TIGAR: variants seen among roughly 807,000 people sequenced by gnomAD.
TIGAR encodes the protein TP53 induced glycolysis regulatory phosphatase.
In TIGAR, 7 loss-of-function variants were observed where a neutral mutation model predicts 17.9. That is an observed-to-expected ratio of 0.39 (90% CI 0.22 to 0.73). The LOEUF (loss-of-function observed/expected upper bound fraction) is 0.73, where lower values mean the gene tolerates loss of function less well. TIGAR is among the 30% of genes least tolerant of loss of function. The pLI is 0.42. For synonymous variants in TIGAR, 94 were observed against 108.6 expected (o/e 0.87, Z 0.84); for missense variants, 258 against 327.4 (o/e 0.79, Z 1.64).
chr12:4,338,181 C>A (rs1355491844), intron 3 of TIGAR, among the ~76,000 whole-genome samples: 1 of 152,070 alleles, frequency 6.6e-6, no homozygotes, highest in Non-Finnish European at 1.5e-5. Flanking sequence ...CTAAAAACTC[C>A]ATGGAAGGAG....
At chr12:4,351,775 A>C (rs2120694225) in intron 5 of TIGAR, among the ~76,000 whole-genome samples, 1 of 152,254 alleles carries the variant, frequency 6.6e-6, no homozygotes, top group Middle Eastern at 3.4e-3. Context: ...ATTTCTTTGG[A>C]GTGTTCTGCT....
At chr12:4,333,696 C>T (rs943288832) in intron 2 of TIGAR, among the ~76,000 whole-genome samples, 2 of 152,086 alleles carry the variant, frequency 1.3e-5, no homozygotes, top group African/African-American at 2.4e-5. Context: ...CTCGAACTAA[C>T]CTGGTGATCC....
intron 1 of TIGAR, among the ~76,000 whole-genome samples, chr12:4,323,025 G>A (rs4553431): frequency 0.31 from 47,419 of 151,074 alleles, 7,661 homozygotes; most frequent in Admixed American, 0.38. Flanking sequence ...TAGCACGTTG[G>A]GGGGCGGAAG....
rs1192832105 is a variant in TIGAR at position 4,338,977 on chromosome 12, CAA to C, written c.192+1837_192+1838del. 8.1e-3 allele frequency among the ~76,000 whole-genome samples: 816 copies of C among 100,550 alleles called. 1 individual carries two copies. The highest frequency in any genetic ancestry group is 0.011 in the Non-Finnish European group (608 of 53,122). 66.0% of individuals were successfully genotyped at this position (100,550 alleles called of 152,430 possible). On this transcript the variant is annotated intron_variant, in intron 3 of 5. Transcript: ENST00000179259. ...GGCAACAAAGCAAAACTTTGTCTCA[CAA>C]AAAAAAAAAAAAAAAAAAAGACAGA...
chr12:4,341,928 A>G (rs900806055), intron 3 of TIGAR, among the ~76,000 whole-genome samples: 1 of 152,242 alleles, frequency 6.6e-6, no homozygotes, highest in Non-Finnish European at 1.5e-5. Flanking sequence ...TCAGATGATC[A>G]GACTTCTCTG....
chr12:4,359,105 C>G lies in TIGAR; in HGVS notation c.*6414C>G, dbSNP rs1213738316. On this transcript the variant is annotated 3_prime_UTR_variant, in exon 6 of 6. Coordinates refer to ENST00000179259, the MANE Select transcript of TIGAR (RefSeq NM_020375.3). ...AGCCTTTATTGTTTATTTTCTGACT[C>G]TGTTTTTTTTTTCTTTAGCCAACTC... Among the ~76,000 whole-genome samples the G allele has an allele frequency of 7.6e-4, 10 of 13,120 alleles. No individual in the cohort carries two copies. The highest frequency in any genetic ancestry group is 0.014 in the South Asian group (2 of 146). The allele number at this position is 13,120 out of a possible 152,430, so 8.6% of individuals were successfully genotyped here. A position where few individuals can be genotyped will look rare whatever the true frequency, so the allele number is the denominator to read the frequency against.
chr12:4,351,356 C>T lies in TIGAR; in HGVS notation c.360C>T (p.Pro120=), dbSNP rs770821333. 8.4e-5 allele frequency: 135 copies of T among 1,613,908 alleles called. No homozygotes were observed. Among genetic ancestry groups the T allele is most frequent in the Non-Finnish European group, 1.0e-4 (119 of 1,179,990 alleles). The part of the protein sequence containing the change: ...AREECPVFTP[P]GGETLDQVKM... ...AAGAGTGCCCTGTGTTTACACCGCC[C>T]GGAGGAGAGACGCTGGACCAGGTAT... Residue 120 remains proline, a synonymous_variant, in exon 5 of 6, where the codon CCC becomes CCT. Coordinates refer to ENST00000179259, the MANE Select transcript of TIGAR (RefSeq NM_020375.3).
intron 2 of TIGAR, 99 bp from the exon 3 acceptor site, chr12:4,336,940 A>C: frequency 7.6e-7 from 1 of 1,314,838 alleles, no homozygotes; most frequent in East Asian, 2.6e-5. Context: ...ATCTTTCATT[A>C]AAATTTAGAT....
Position 4,354,653 on chromosome 12 carries a change from C to T in TIGAR, c.*1962C>T, listed in dbSNP as rs978371722. ...ATAGATCTAGTTAATTATAACCACT[C>T]TATTCTATTAAATATAGCACATTTT... On this transcript the variant is annotated 3_prime_UTR_variant, in exon 6 of 6. Coordinates refer to ENST00000179259, the MANE Select transcript of TIGAR (RefSeq NM_020375.3). 6.7e-6 allele frequency: 1 copy of T among 148,156 alleles called. No homozygotes were observed. The highest frequency in any genetic ancestry group is 6.6e-5 in the Admixed American group (1 of 15,058). 9.2% of individuals were successfully genotyped at this position (148,156 alleles called of 1,614,324 possible).
Position 4,354,830 on chromosome 12 carries a change from C to T in TIGAR, c.*2139C>T, listed in dbSNP as rs1361007495. 4.7e-5 allele frequency among the ~76,000 whole-genome samples: 7 copies of T among 148,882 alleles called. No homozygotes were observed. ...CACTGCAACCTCCACCTCTCGGGTT[C>T]AAGCAATTCTTGTGCCTCAGCCTCC... is the stretch of plus-strand genomic sequence containing the variant. On this transcript the variant is annotated 3_prime_UTR_variant, in exon 6 of 6. Coordinates refer to ENST00000179259, the MANE Select transcript of TIGAR (RefSeq NM_020375.3).
chr12:4,322,222 C>T (rs368377967), intron 1 of TIGAR, among the ~76,000 whole-genome samples: 12 of 152,254 alleles, frequency 7.9e-5, no homozygotes, highest in African/African-American at 2.9e-4. Context: ...GTCTGGAACT[C>T]CTGACCTTAA....
In TIGAR at chr12:4,359,438, C is replaced by T. The variant is rs1236720982; in HGVS notation, c.*6747C>T. 6.6e-6 allele frequency among the ~76,000 whole-genome samples: 1 copy of T among 152,016 alleles called. No individual in the cohort carries two copies. Among genetic ancestry groups the T allele is most frequent in the Admixed American group, 6.6e-5 (1 of 15,240 alleles). On this transcript the variant is annotated 3_prime_UTR_variant, in exon 6 of 6. Coordinates refer to ENST00000179259, the MANE Select transcript of TIGAR (RefSeq NM_020375.3). ...CCCAGCCCCAGAATCAGCTTTTTCT[C>T]TAAAGAGCCCTGGTTCTTTGGAAAT...
rs149672312 is a variant in TIGAR, at chr12:4,350,069, A to C, written c.270+173A>C. Among the ~76,000 whole-genome samples the C allele has an allele frequency of 6.0e-3, 917 of 152,330 alleles. 11 individuals carry two copies. The highest frequency in any genetic ancestry group is 0.021 in the African/African-American group (884 of 41,566). ...TACATACCCTCGTATATAGGATCTTATTATTAAAATCAAACGAGACAAGCA... is the reference window on the plus strand; with the variant it reads ...TACATACCCTCGTATATAGGATCTTCTTATTAAAATCAAACGAGACAAGCA... On this transcript the variant is annotated intron_variant, in intron 4 of 5. Transcript: ENST00000179259.
At chr12:4,327,410 GAAAAA>G (rs541221100) in intron 1 of TIGAR, among the ~76,000 whole-genome samples, 2 of 85,104 alleles carry the variant, frequency 2.4e-5, no homozygotes, top group African/African-American at 4.4e-5. Flanking sequence ...CCCCATCTCA[GAAAAA>G]AAAAAAAAAA....
intron 3 of TIGAR, among the ~76,000 whole-genome samples, chr12:4,338,179 TC>T (rs1864681638): frequency 1.3e-5 from 2 of 152,208 alleles, no homozygotes; most frequent in South Asian, 4.1e-4. Flanking sequence ...TTCTAAAAAC[TC>T]CATGGAAGGA....
rs1864865480 is a variant in TIGAR, at chr12:4,353,837, T to G, written c.*1146T>G. ...TGACAGAGGGGATGACAGAGGGTGC[T>G]CTGCGGGCAGGGAAGGCGGGGTGGT... On this transcript the variant is annotated 3_prime_UTR_variant, in exon 6 of 6. Transcript: ENST00000179259. 7.4e-6 allele frequency: 1 copy of G among 135,794 alleles called. No individual in the cohort carries two copies. Among genetic ancestry groups the G allele is most frequent in the African/African-American group, 2.7e-5 (1 of 36,632 alleles). The allele number at this position is 135,794 out of a possible 1,614,324, so 8.4% of individuals were successfully genotyped here.
chr12:4,340,278 AAAAG>A (rs1364346701), intron 3 of TIGAR, among the ~76,000 whole-genome samples: 2 of 152,248 alleles, frequency 1.3e-5, no homozygotes, highest in Non-Finnish European at 2.9e-5. Flanking sequence ...AATAATCTGA[AAAAG>A]AAGAAGTAAT....
chr12:4,350,981 C>T (rs2120692852), intron 4 of TIGAR, among the ~76,000 whole-genome samples: 1 of 152,164 alleles, frequency 6.6e-6, no homozygotes, highest in South Asian at 2.1e-4. Context: ...CTGTGCAAAT[C>T]TCTGTATTTG....
At chr12:4,325,272 A>ATTTG (rs79284245) in intron 1 of TIGAR, among the ~76,000 whole-genome samples, 77,828 of 151,490 alleles carry the variant, frequency 0.51, 20,262 homozygotes, top group East Asian at 0.71. Context: ...AGCAAAACTG[A>ATTTG]TTTTTCTTAC....
Sources: gnomAD v4.1 joint callset for allele counts (sites outside exome capture counted in the v4.1 genomes callset) on GRCh38, gnomAD v4.1.1 for gene constraint, MANE v1.5 for transcripts, NCBI Gene and HGNC (gene_info 2026-07-23, HGNC 2026-07-21) for gene names.